The following NTMT1 variants were observed in gnomAD, a reference collection of about 807,000 sequenced individuals.
NTMT1 encodes the protein N-terminal Xaa-Pro-Lys N-methyltransferase 1, also known as N-terminal RCC1 methyltransferase.
NTMT1 carries 8 observed loss-of-function variants against 17.5 expected under a neutral mutation model. That is an observed-to-expected ratio of 0.46 (90% CI 0.27 to 0.82). NTMT1 has a LOEUF of 0.82. Among genes scored for constraint, NTMT1 ranks in the 40% least tolerant of loss-of-function variants. The probability of loss-of-function intolerance (pLI) is 0.15; values close to 1 mark genes in which losing one functional copy is unlikely to be tolerated. For missense variants in NTMT1, 221 were observed against 303.5 expected, an observed-to-expected ratio of 0.73 and a Z score of 2.02; for synonymous variants, 128 against 126.8, an observed-to-expected ratio of 1.01 and a Z score of -0.06.
Position 129,613,040 on chromosome 9 carries a change from C to T in NTMT1, c.-55+3862C>T. ...CCAGCCACTCCACCAAACAGGGCTG[C>T]TCCCGGAGCCAGCTGCCAGCAGGGG... On this transcript the variant is annotated intron_variant, in intron 1 of 3. Coordinates refer to the NTMT1 transcript ENST00000372486. This position sits in a 1 kb window ranked among gnomAD's most constrained non-coding sequence, Gnocchi z 6.2. 6.3e-7 allele frequency: 1 copy of T among 1,596,410 alleles called. No individual in the cohort carries two copies. Among genetic ancestry groups the T allele is most frequent in the Non-Finnish European group, 8.5e-7 (1 of 1,173,330 alleles).
intron 1 of NTMT1, chr9:129,615,749 C>T: frequency 7.7e-7 from 1 of 1,296,976 alleles, no homozygotes; most frequent in Non-Finnish European, 1.0e-6. Flanking sequence ...AAGTGCCCTA[C>T]ACTGGTCTTG....
chr9:129,620,753 CCT>C lies in NTMT1; in HGVS notation c.-55+11578_-55+11579del, dbSNP rs1830664461. The C allele has an allele frequency of 4.1e-6, 2 of 483,374 alleles. No homozygotes were observed. Among genetic ancestry groups the C allele is most frequent in the Non-Finnish European group, 6.6e-6 (2 of 305,260 alleles). The allele number at this position is 483,374 out of a possible 1,614,324, so 29.9% of individuals were successfully genotyped here. A position where few individuals can be genotyped will look rare whatever the true frequency, so the allele number is the denominator to read the frequency against. On this transcript the variant is annotated intron_variant, in intron 1 of 3. Coordinates refer to the NTMT1 transcript ENST00000372486. The surrounding 1 kb of genome is among the most constrained non-coding windows in gnomAD (Gnocchi z 5.8). ...TGGCTTCAGGCGAGAGCTCCCAGAG[CCT>C]CTGTTTCCTCACCTGAAAAATGGTG...
chr9:129,616,352 A>G (rs909999956), intron 1 of NTMT1, among the ~76,000 whole-genome samples: 3 of 152,094 alleles, frequency 2.0e-5, no homozygotes, highest in Non-Finnish European at 4.4e-5. Flanking sequence ...AGTAGCTGGG[A>G]CTACAGGCGT....
intron 1 of NTMT1, among the ~76,000 whole-genome samples, chr9:129,611,533 G>T (rs1470475329): frequency 6.6e-6 from 1 of 152,362 alleles, no homozygotes; most frequent in African/African-American, 2.4e-5. Context: ...CCGGGGAAAC[G>T]CATGAGACCA....
At chr9:129,619,792 G>T in intron 1 of NTMT1, 1 of 1,614,132 alleles carries the variant, frequency 6.2e-7, no homozygotes, top group Non-Finnish European at 8.5e-7. Flanking sequence ...CCTGGGCAGT[G>T]CTCTAATACA....
In NTMT1 at chr9:129,614,581, G is replaced by A. The variant is rs944346799; in HGVS notation, c.-55+5403G>A. Among the ~76,000 whole-genome samples, 5 of 152,194 alleles carry A rather than the reference G, an allele frequency of 3.3e-5. No individual in the cohort carries two copies. Among genetic ancestry groups the A allele is most frequent in the Admixed American group, 1.3e-4 (2 of 15,278 alleles). The stretch of plus-strand genomic sequence containing the variant: ...ACCAGAGTAAGAACAGGGACTTCTC[G>A]CCTGCTTCTCGAGACACACTTCAGA... On this transcript the variant is annotated intron_variant, in intron 1 of 3. Transcript: ENST00000372486. The surrounding 1 kb of genome is among the most constrained non-coding windows in gnomAD (Gnocchi z 4.4).
rs766628583 is a variant in NTMT1 at position 129,635,490 on chromosome 9, G to A, written c.*26G>A. 2.1e-5 allele frequency: 33 copies of A among 1,596,244 alleles called. No individual in the cohort carries two copies. The highest frequency in any genetic ancestry group is 2.6e-5 in the Non-Finnish European group (30 of 1,169,010). On this transcript the variant is annotated 3_prime_UTR_variant, in exon 4 of 4. Coordinates refer to ENST00000372483, the MANE Select transcript of NTMT1 (RefSeq NM_014064.4). The stretch of plus-strand genomic sequence containing the variant: ...GCCGGGGCTGGCAGGAGAAACTGAG[G>A]AACCACAGTCCTGGTGGGGGGAGCT...
Position 129,613,287 on chromosome 9 carries a change from CTG to C in NTMT1, c.-55+4110_-55+4111del, listed in dbSNP as rs779936186. 8 of 1,576,384 alleles carry C rather than the reference CTG, an allele frequency of 5.1e-6. No homozygotes were observed. In the African/African-American group the frequency reaches 5.4e-5, roughly 11 times the overall value. On this transcript the variant is annotated intron_variant, in intron 1 of 3. Transcript: ENST00000372486. The surrounding 1 kb of genome is among the most constrained non-coding windows in gnomAD (Gnocchi z 6.2). ...CAGGACCCCATGAGCTTCCTGGACT[CTG>C]AGTCCCCGGCCCACCCATGGCTGGC...
chr9:129,620,621 G>C lies in NTMT1; in HGVS notation c.-55+11443G>C. The C allele has an allele frequency of 7.7e-7, 1 of 1,292,100 alleles. No homozygotes were observed. Among genetic ancestry groups the C allele is most frequent in the Non-Finnish European group, 9.8e-7 (1 of 1,019,536 alleles). 80.0% of individuals were successfully genotyped at this position (1,292,100 alleles called of 1,614,324 possible). A position where few individuals can be genotyped will look rare whatever the true frequency, so the allele number is the denominator to read the frequency against. The stretch of plus-strand genomic sequence containing the variant: ...ACCGCACCCTCAGCGCGCGTGGGTG[G>C]GGGGCGCCGGCTGAGGTGGGGAGGG... On this transcript the variant is annotated intron_variant, in intron 1 of 3. Transcript: ENST00000372486. The surrounding 1 kb of genome is among the most constrained non-coding windows in gnomAD (Gnocchi z 5.8).
Position 129,620,240 on chromosome 9 carries a change from C to T in NTMT1, c.-55+11062C>T. 5 of 1,338,756 alleles carry T rather than the reference C, an allele frequency of 3.7e-6. No homozygotes were observed. Among genetic ancestry groups the T allele is most frequent in the East Asian group, 3.0e-5 (1 of 33,246 alleles). The allele number at this position is 1,338,756 out of a possible 1,614,324, so 82.9% of individuals were successfully genotyped here. On this transcript the variant is annotated intron_variant, in intron 1 of 3. Transcript: ENST00000372486. This position sits in a 1 kb window ranked among gnomAD's most constrained non-coding sequence, Gnocchi z 5.8. Reference sequence around the variant, plus strand: ...CCCTGGCTGCCTGGGCGCCGATTCCCGGGACGCGCCGGCCGACAGCAGGGG... The same window carrying T: ...CCCTGGCTGCCTGGGCGCCGATTCCTGGGACGCGCCGGCCGACAGCAGGGG...
upstream of NTMT1, among the ~76,000 whole-genome samples, chr9:129,621,318 G>A (rs1830698501): frequency 6.6e-6 from 1 of 152,178 alleles, no homozygotes; most frequent in African/African-American, 2.4e-5. Flanking sequence ...GTACGTCTCT[G>A]CTGGAGCCAA....
chr9:129,615,666 G>A (rs759579514), intron 1 of NTMT1: 23 of 1,513,728 alleles, frequency 1.5e-5, no homozygotes, highest in Admixed American at 2.1e-5. Flanking sequence ...GGGGAGAGGG[G>A]CCTGTGCTCG....
chr9:129,621,965 T>C (rs1165928686), upstream of NTMT1, among the ~76,000 whole-genome samples: 1 of 152,176 alleles, frequency 6.6e-6, no homozygotes, highest in African/African-American at 2.4e-5. Context: ...TTCAGGGTCA[T>C]TGTGATCCGC....
chr9:129,611,565 G>T (rs902246767), intron 1 of NTMT1, among the ~76,000 whole-genome samples: 2 of 152,164 alleles, frequency 1.3e-5, no homozygotes, highest in Non-Finnish European at 2.9e-5. Context: ...TCTTCCCTCG[G>T]CTGGAGTCTG....
chr9:129,610,564 G>T (rs910917462), intron 1 of NTMT1, among the ~76,000 whole-genome samples: 44 of 152,072 alleles, frequency 2.9e-4, no homozygotes, highest in Admixed American at 5.9e-4. Flanking sequence ...CGCGCGGCCG[G>T]AGCGGGGCTG....
chr9:129,617,683 G>A (rs7849954), intron 1 of NTMT1, among the ~76,000 whole-genome samples: 6 of 143,486 alleles, frequency 4.2e-5, no homozygotes, highest in African/African-American at 1.6e-4. Context: ...CACTGTTTTT[G>A]TTTGTTTGTT....
At chr9:129,612,996 G>T in intron 1 of NTMT1, 1 of 1,397,888 alleles carries the variant, frequency 7.2e-7, no homozygotes. Flanking sequence ...TGGCTCTCAG[G>T]GAGGGTCCAC....
At chr9:129,616,115 C>T (rs1001853025) in intron 1 of NTMT1, among the ~76,000 whole-genome samples, 1 of 152,156 alleles carries the variant, frequency 6.6e-6, no homozygotes, top group African/African-American at 2.4e-5. Context: ...AATCATTGTG[C>T]CCACCCTACA....
Position 129,620,047 on chromosome 9 carries a change from C to G in NTMT1, c.-55+10869C>G, listed in dbSNP as rs1188722844. Reference sequence around the variant, plus strand: ...CCGGAAATGACTCGGGCCCGCCCCCCGGGCCCCGCGGGGCCTCACTCAGTG... The same window carrying G: ...CCGGAAATGACTCGGGCCCGCCCCCGGGGCCCCGCGGGGCCTCACTCAGTG... On this transcript the variant is annotated intron_variant, in intron 1 of 3. Transcript: ENST00000372486. This position sits in a 1 kb window ranked among gnomAD's most constrained non-coding sequence, Gnocchi z 5.8. 1 of 1,452,534 alleles carries G rather than the reference C, an allele frequency of 6.9e-7. No homozygotes were observed. The allele number at this position is 1,452,534 out of a possible 1,614,324, so 90.0% of individuals were successfully genotyped here. A position where few individuals can be genotyped will look rare whatever the true frequency, so the allele number is the denominator to read the frequency against.
Sources: gnomAD v4.1 joint callset for allele counts (sites outside exome capture counted in the v4.1 genomes callset) on GRCh38, gnomAD v4.1.1 for gene constraint, Gnocchi (gnomAD v3.1) non-coding constraint, MANE v1.5 for transcripts, NCBI Gene and HGNC (gene_info 2026-07-23, HGNC 2026-07-21) for gene names.